SESN3: variants seen among roughly 807,000 people sequenced by gnomAD.
The protein encoded by SESN3 is sestrin 3, also known as sestrin-3.
Under a neutral mutation model 55.3 loss-of-function variants are expected in SESN3, and 21 were observed. The ratio of observed to expected loss-of-function variants is 0.38; its 90% CI spans 0.27 to 0.55. The LOEUF (loss-of-function observed/expected upper bound fraction) is 0.55, where lower values mean the gene tolerates loss of function less well. SESN3 is among the 20% of genes least tolerant of loss of function. The pLI is 0.76. For synonymous variants in SESN3, 181 were observed against 203.1 expected, an observed-to-expected ratio of 0.89 and a Z score of 0.93; for missense variants, 408 against 604.3, an observed-to-expected ratio of 0.68 and a Z score of 3.41.
chr11:95,227,997 A>G (rs1226589260), intron 1 of SESN3, among the ~76,000 whole-genome samples: 1 of 152,204 alleles, frequency 6.6e-6, no homozygotes, highest in Non-Finnish European at 1.5e-5. Context: ...GATAGTTTTG[A>G]TGGTTAATTT....
In SESN3 at chr11:95,230,144, C is replaced by G. The variant is rs1047357491; in HGVS notation, c.78+639G>C. ...AACCCACATCCACCTCAGTCTTCTC[C>G]TCCCCCAACCCCAGCCTCAGGAACT... On this transcript the variant is annotated intron_variant, in intron 1 of 9. Coordinates refer to ENST00000536441, the MANE Select transcript of SESN3 (RefSeq NM_144665.4). The surrounding 1 kb of genome is among the most constrained non-coding windows in gnomAD (Gnocchi z 4.6). 1 of 70,702 alleles carries G rather than the reference C, an allele frequency of 1.4e-5. No individual in the cohort carries two copies. The highest frequency in any genetic ancestry group is 4.0e-5 in the Non-Finnish European group (1 of 25,224). The allele number at this position is 70,702 out of a possible 1,614,324, so 4.4% of individuals were successfully genotyped here.
chr11:95,176,371 G>A (rs1859956028), intron 8 of SESN3, among the ~76,000 whole-genome samples: 1 of 152,210 alleles, frequency 6.6e-6, no homozygotes, highest in African/African-American at 2.4e-5. Context: ...AGGTGAAACT[G>A]AAATTTTCTT....
rs186179249 is a variant in SESN3 at position 95,218,946 on chromosome 11, C to T, written c.78+11837G>A. Among the ~76,000 whole-genome samples the T allele has an allele frequency of 5.3e-5, 8 of 152,344 alleles. No homozygotes were observed. The East Asian group carries it at 1.2e-3, about 22-fold the overall frequency. On this transcript the variant is annotated intron_variant, in intron 1 of 9. Coordinates refer to ENST00000536441, the MANE Select transcript of SESN3 (RefSeq NM_144665.4). ...GGATTACAGGCGTGAGCCGCCGCAC[C>T]CGGCCATATTTACCCTTATTTTTAA...
intron 4 of SESN3, among the ~76,000 whole-genome samples, chr11:95,187,118 A>G (rs538860999): frequency 1.0e-3 from 157 of 152,034 alleles, no homozygotes; most frequent in African/African-American, 3.4e-3. Flanking sequence ...GTATATAACT[A>G]CTTCTCCTTT....
At chr11:95,226,914 G>A (rs188067232) in intron 1 of SESN3, among the ~76,000 whole-genome samples, 4 of 152,270 alleles carry the variant, frequency 2.6e-5, no homozygotes, top group Admixed American at 1.3e-4. Flanking sequence ...GGGTCCATAC[G>A]AAGCAGTTTG....
At chr11:95,196,498 G>A (rs190391978) in intron 1 of SESN3, among the ~76,000 whole-genome samples, 1 of 151,858 alleles carries the variant, frequency 6.6e-6, no homozygotes, top group East Asian at 1.9e-4. Context: ...TAGAGTTCTG[G>A]TCAAATTATA....
intron 1 of SESN3, among the ~76,000 whole-genome samples, chr11:95,220,341 T>C (rs1179870958): frequency 1.3e-5 from 2 of 152,188 alleles, no homozygotes; most frequent in Non-Finnish European, 2.9e-5. Context: ...AGATAATATC[T>C]TTTGTCACAG....
chr11:95,191,476 C>T lies in SESN3; in HGVS notation c.270G>A (p.Leu90=). ...SLHTQYLESF[L]RSQFYMLRMD... is the part of the protein sequence containing the mutation. Reference sequence around the variant, plus strand: ...TGCGCAACATGTAAAACTGGCTCCGCAAGAAAGACTCCAGGTACTGAGTGT... The same window carrying T: ...TGCGCAACATGTAAAACTGGCTCCGTAAGAAAGACTCCAGGTACTGAGTGT... The change falls in exon 3 of 10, where the codon TTG becomes TTA. Residue 90 remains leucine (L), a synonymous_variant. Coordinates refer to ENST00000536441, the MANE Select transcript of SESN3 (RefSeq NM_144665.4). 6.2e-7 allele frequency: 1 copy of T among 1,613,024 alleles called. No individual in the cohort carries two copies. The highest frequency in any genetic ancestry group is 8.5e-7 in the Non-Finnish European group (1 of 1,179,318).
intron 1 of SESN3, among the ~76,000 whole-genome samples, chr11:95,219,655 C>T (rs958554749): frequency 2.0e-5 from 3 of 152,188 alleles, no homozygotes; most frequent in Admixed American, 6.5e-5. Flanking sequence ...TTTCTTCATT[C>T]AACTCCTACC....
At chr11:95,186,974 C>G (rs1444276436) in intron 4 of SESN3, among the ~76,000 whole-genome samples, 1 of 151,692 alleles carries the variant, frequency 6.6e-6, no homozygotes, top group African/African-American at 2.4e-5. Flanking sequence ...TTTTTATAAG[C>G]AATTATATAG....
Position 95,177,778 on chromosome 11 carries a change from A to G in SESN3, c.1188T>C (p.Val396=). ...TYNTMATHED[V]DTTMLRRALF... The stretch of plus-strand genomic sequence containing the variant: ...AAGCTCTGCGCAGCATGGTTGTGTC[A>G]ACATCCTCATGGGTGGCCATAGTGT... The change falls in exon 8 of 10, where the codon GTT becomes GTC. Residue 396 remains valine (V), a synonymous_variant. Transcript: ENST00000536441. 3.7e-6 allele frequency: 6 copies of G among 1,612,338 alleles called. No individual in the cohort carries two copies. The highest frequency in any genetic ancestry group is 5.1e-6 in the Non-Finnish European group (6 of 1,179,460).
At chr11:95,225,942 T>G (rs985538333) in intron 1 of SESN3, among the ~76,000 whole-genome samples, 21 of 151,852 alleles carry the variant, frequency 1.4e-4, no homozygotes, top group Admixed American at 9.2e-4. Context: ...AATTTAATTA[T>G]TCGAGAATCA....
chr11:95,207,773 CTG>C, intron 1 of SESN3, among the ~76,000 whole-genome samples: 1 of 151,322 alleles, frequency 6.6e-6, no homozygotes, highest in African/African-American at 2.4e-5. Flanking sequence ...AGCAGAAGAA[CTG>C]TAATTTTAAA....
intron 1 of SESN3, among the ~76,000 whole-genome samples, chr11:95,194,116 C>T (rs1860316906): frequency 6.6e-6 from 1 of 151,774 alleles, no homozygotes; most frequent in Non-Finnish European, 1.5e-5. Context: ...TGACAGATTG[C>T]CAATGGTATG....
intron 6 of SESN3, 86 bp from the exon 7 acceptor site, chr11:95,178,914 T>G: frequency 2.7e-6 from 2 of 733,088 alleles, no homozygotes; most frequent in Non-Finnish European, 4.6e-6. Flanking sequence ...TTCCACTTTT[T>G]AGCTTTTCCA....
chr11:95,210,822 G>C (rs1364504897), intron 1 of SESN3, among the ~76,000 whole-genome samples: 1 of 151,860 alleles, frequency 6.6e-6, no homozygotes, highest in Non-Finnish European at 1.5e-5. Context: ...CAAGATAAAG[G>C]GAATGAGAAA....
Position 95,193,443 on chromosome 11 carries a change from A to G in SESN3, c.144+14T>C. ...TAAATCTTACTTTTTATATTTTAAG[A>G]CAGATAAACTTACTTCCTTCTCTGG... On this transcript the variant is annotated intron_variant, in intron 2 of 9. Transcript: ENST00000536441. 7.0e-7 allele frequency: 1 copy of G among 1,424,604 alleles called. No individual in the cohort carries two copies. Among genetic ancestry groups the G allele is most frequent in the Non-Finnish European group, 9.9e-7 (1 of 1,011,288 alleles). The allele number at this position is 1,424,604 out of a possible 1,614,324, so 88.2% of individuals were successfully genotyped here.
At chr11:95,231,342 G>T, upstream of SESN3, 1 of 386,740 alleles carries the variant, frequency 2.6e-6, no homozygotes. Flanking sequence ...TGGGAGTCGC[G>T]CCGGCCAATC....
chr11:95,206,920 C>T (rs369821681), intron 1 of SESN3, among the ~76,000 whole-genome samples: 4 of 151,968 alleles, frequency 2.6e-5, no homozygotes, highest in Non-Finnish European at 5.9e-5. Context: ...CTCAGCCTCC[C>T]GAGTAGCTGG....
Sources: allele counts gnomAD v4.1 joint callset (sites outside exome capture counted in the v4.1 genomes callset), GRCh38; gene constraint gnomAD v4.1.1; non-coding constraint Gnocchi (gnomAD v3.1); transcripts MANE v1.5; gene names NCBI Gene and HGNC (gene_info 2026-07-23, HGNC 2026-07-21).